Variants in KICS2 observed in about 807,000 individuals in gnomAD.
KICS2 encodes the protein KICSTOR subunit 2.
Under a neutral mutation model 31.4 loss-of-function variants are expected in KICS2, and 13 were observed. That is an observed-to-expected ratio of 0.41 (90% confidence interval 0.27 to 0.66). KICS2 has a LOEUF of 0.66. Among genes scored for constraint, KICS2 ranks in the 30% least tolerant of loss-of-function variants. The pLI is 0.28. For missense variants in KICS2, 455 were observed against 545.4 expected, an observed-to-expected ratio of 0.83 and a Z score of 1.65; for synonymous variants, 209 against 214.8, an observed-to-expected ratio of 0.97 and a Z score of 0.24.
At chr12:64,210,589 A>C (rs2037574115) in intron 2 of KICS2, among the ~76,000 whole-genome samples, 1 of 152,156 alleles carries the variant, frequency 6.6e-6, no homozygotes, top group Non-Finnish European at 1.5e-5. Context: ...AAGCCTGGGC[A>C]ATATAGTGAG....
intron 1 of KICS2, 98 bp downstream of exon 1, chr12:64,221,905 G>T (rs1475243369): frequency 3.1e-6 from 4 of 1,307,554 alleles, no homozygotes; most frequent in Non-Finnish European, 2.1e-6. Flanking sequence ...CCTGCGACTA[G>T]AAGTGACACA....
chr12:64,199,726 CCTT>C (rs1217475762), intron 2 of KICS2, among the ~76,000 whole-genome samples: 8 of 128,162 alleles, frequency 6.2e-5, no homozygotes, highest in South Asian at 2.7e-4. Flanking sequence ...CCCAAAATCT[CCTT>C]AAGCTGATAA....
At chr12:64,212,244 C>T (rs952699506) in intron 2 of KICS2, among the ~76,000 whole-genome samples, 3 of 152,140 alleles carry the variant, frequency 2.0e-5, no homozygotes, top group South Asian at 2.1e-4. Context: ...ACCATCACCA[C>T]GATCAATTTT....
intron 2 of KICS2, among the ~76,000 whole-genome samples, chr12:64,206,305 CAA>C (rs2037538765): frequency 6.6e-6 from 1 of 151,924 alleles, no homozygotes; most frequent in South Asian, 2.1e-4. Context: ...TTGCTGCACC[CAA>C]AGTGATAAAT....
Position 64,218,824 on chromosome 12 carries a change from G to GTGAA in KICS2, c.236-2865_236-2862dup, listed in dbSNP as rs1592390588. On this transcript the variant is annotated intron_variant, in intron 1 of 2. Coordinates refer to ENST00000398055, the MANE Select transcript of KICS2 (RefSeq NM_152440.5). Reference sequence around the variant, plus strand: ...ATCGGTAAACGCTAATCACCAGCATGTGAAACCAAGTAAAGTGAAACTACT... The same window carrying GTGAA: ...ATCGGTAAACGCTAATCACCAGCATGTGAATGAAACCAAGTAAAGTGAAACTACT... Among the ~76,000 whole-genome samples the GTGAA allele has an allele frequency of 2.6e-5, 4 of 152,248 alleles. No homozygotes were observed. The East Asian group carries it at 7.7e-4, about 29-fold the overall frequency.
intron 2 of KICS2, among the ~76,000 whole-genome samples, chr12:64,207,345 T>C (rs1309247224): frequency 6.7e-6 from 1 of 150,092 alleles, no homozygotes; most frequent in Non-Finnish European, 1.5e-5. Context: ...AATTTGATAT[T>C]ATGTATTTTT....
chr12:64,194,332 G>A lies in KICS2; in HGVS notation c.848C>T (p.Ala283Val), dbSNP rs527523756. 62 of 1,614,146 alleles carry A rather than the reference G, an allele frequency of 3.8e-5. No homozygotes were observed. The South Asian group carries it at 6.7e-4, about 17-fold the overall frequency. ...FHEALSRQTT[A>V]SEMKTLTAKA... ...TGCTGTCAACGTTTTCATTTCTGAA[G>A]CAGTCGTTTGTCGGCTCAGAGCCTC... Residue 283 changes from alanine to valine, a missense_variant, in exon 3 of 3, where the codon GCT (alanine) becomes GTT (valine). Ala to Val is a moderately conservative substitution (Grantham distance 64). Transcript: ENST00000398055.
At position 64,194,163 on chromosome 12, in the gene KICS2, G is replaced by C. The variant is rs758078738; in HGVS notation, c.1017C>G (p.Ala339=). The change falls in exon 3 of 3, where the codon GCC becomes GCG. Residue 339 remains alanine, a synonymous_variant. Transcript: ENST00000398055. ...GYHHPHSYRE[A]PKGVDQYPAV... The stretch of plus-strand genomic sequence containing the variant: ...CTGGATACTGGTCCACACCCTTGGG[G>C]GCCTCTCTGTAGGAATGGGGGTGGT... 1.2e-6 allele frequency: 2 copies of C among 1,614,084 alleles called. No individual in the cohort carries two copies. Among genetic ancestry groups the C allele is most frequent in the Non-Finnish European group, 1.7e-6 (2 of 1,180,026 alleles).
rs778990508 is a variant in KICS2 at position 64,194,513 on chromosome 12, G to A, written c.667C>T (p.Leu223=). The A allele has an allele frequency of 1.2e-6, 2 of 1,614,058 alleles. No homozygotes were observed. Among genetic ancestry groups the A allele is most frequent in the Non-Finnish European group, 1.7e-6 (2 of 1,180,030 alleles). The change falls in exon 3 of 3, where the codon CTG becomes TTG. Residue 223 remains leucine (L), a synonymous_variant. Transcript: ENST00000398055. ...TCAAAGATCTGGCCCCACGTCTGCAGTTTGGTGTGCGCACTGTGTAAATTA... is the reference window on the plus strand; with the variant it reads ...TCAAAGATCTGGCCCCACGTCTGCAATTTGGTGTGCGCACTGTGTAAATTA... ...LVNLHSAHTK[L]QTWGQIFEKQ...
chr12:64,196,269 C>A (rs1329651034), intron 2 of KICS2, among the ~76,000 whole-genome samples: 2 of 141,726 alleles, frequency 1.4e-5, no homozygotes, highest in Non-Finnish European at 1.6e-5. Flanking sequence ...CGGCAGACTG[C>A]CTCCTCAAGT....
At chr12:64,187,495 G>T, downstream of KICS2, 2 of 750,248 alleles carry the variant, frequency 2.7e-6, no homozygotes, top group Non-Finnish European at 4.4e-6. Flanking sequence ...TGCAGACAAG[G>T]CATTAATGAA....
intron 1 of KICS2, among the ~76,000 whole-genome samples, chr12:64,219,353 A>G (rs115109852): frequency 0.015 from 2,329 of 152,280 alleles, 72 homozygotes; most frequent in African/African-American, 0.053. Flanking sequence ...TATTTTAATC[A>G]CTGATCCTTC....
chr12:64,215,509 G>C (rs2037619550), intron 2 of KICS2, among the ~76,000 whole-genome samples, 169 bp downstream of exon 2: 1 of 152,082 alleles, frequency 6.6e-6, no homozygotes, highest in African/African-American at 2.4e-5. Context: ...ACCAATGAAG[G>C]TGCCTAATGT....
intron 2 of KICS2, among the ~76,000 whole-genome samples, chr12:64,207,245 A>T (rs930918812): frequency 7.2e-6 from 1 of 138,962 alleles, no homozygotes; most frequent in African/African-American, 2.7e-5. Context: ...TGGAGGTTGC[A>T]GTGAGCTGGG....
chr12:64,194,730 C>G, intron 2 of KICS2, 72 bp from the exon 3 acceptor site: 1 of 1,485,018 alleles, frequency 6.7e-7, no homozygotes. Context: ...TTTCTAACCA[C>G]AAAGCAACAA....
At chr12:64,206,230 A>AT (rs935148930) in intron 2 of KICS2, among the ~76,000 whole-genome samples, 5 of 150,968 alleles carry the variant, frequency 3.3e-5, no homozygotes, top group South Asian at 2.1e-4. Flanking sequence ...AAAATGATAA[A>AT]TTTTTTTTTT....
chr12:64,190,227 T>C (rs1037930687), downstream of KICS2, among the ~76,000 whole-genome samples: 1 of 152,220 alleles, frequency 6.6e-6, no homozygotes, highest in Admixed American at 6.5e-5. Flanking sequence ...TTTATTTATA[T>C]AGCCTTCAAA....
intron 2 of KICS2, among the ~76,000 whole-genome samples, chr12:64,211,925 G>GT (rs2037585722): frequency 1.3e-5 from 2 of 152,020 alleles, no homozygotes; most frequent in African/African-American, 4.8e-5. Context: ...TGTAAAAACT[G>GT]TTTTTTTCAT....
downstream of KICS2, chr12:64,187,401 G>C: frequency 1.9e-6 from 1 of 532,732 alleles, no homozygotes; most frequent in Non-Finnish European, 3.3e-6. Flanking sequence ...TTTTCTAGTG[G>C]TGATATTTTA....
Sources: allele counts gnomAD v4.1 joint callset (sites outside exome capture counted in the v4.1 genomes callset), GRCh38; gene constraint gnomAD v4.1.1; transcripts MANE v1.5; gene names NCBI Gene and HGNC (gene_info 2026-07-23, HGNC 2026-07-21).